FBXL7: variants seen among roughly 807,000 people sequenced by gnomAD.
The protein encoded by FBXL7 is F-box and leucine rich repeat protein 7, also known as F-box/LRR-repeat protein 7.
In FBXL7, 12 loss-of-function variants were observed where a neutral mutation model predicts 38.3. That is an observed-to-expected ratio of 0.31 (90% CI 0.20 to 0.51). The LOEUF is 0.51. Among genes scored for constraint, FBXL7 ranks in the 20% least tolerant of loss-of-function variants. The pLI, the probability that FBXL7 is intolerant of heterozygous loss-of-function variation, is 0.98. For synonymous variants in FBXL7, 297 were observed against 300.9 expected, an observed-to-expected ratio of 0.99 and a Z score of 0.13; for missense variants, 567 against 676.4, an observed-to-expected ratio of 0.84 and a Z score of 1.79.
chr5:15,781,801 A>T (rs548713327), intron 2 of FBXL7, among the ~76,000 whole-genome samples: 2 of 152,198 alleles, frequency 1.3e-5, no homozygotes, highest in Admixed American at 1.3e-4. Flanking sequence ...TGTTGAAGAG[A>T]GCTGAGGAGT....
rs112001121 is a variant in FBXL7, at chr5:15,523,546, G to A, written c.37+22833G>A. Among the ~76,000 whole-genome samples the A allele has an allele frequency of 6.2e-3, 938 of 151,152 alleles. 13 individuals carry two copies. The highest frequency in any genetic ancestry group is 0.022 in the African/African-American group (883 of 40,912). On this transcript the variant is annotated intron_variant, in intron 1 of 3. Transcript: ENST00000504595. ...TGCGCTCCAGCCTGGGCAGCAGAATGAGACTCTGTCTCAAAAAAAAAAAAA... is the reference window on the plus strand; with the variant it reads ...TGCGCTCCAGCCTGGGCAGCAGAATAAGACTCTGTCTCAAAAAAAAAAAAA...
intron 1 of FBXL7, among the ~76,000 whole-genome samples, chr5:15,563,670 T>A (rs1170538931): frequency 6.6e-6 from 1 of 152,000 alleles, no homozygotes. Context: ...CTCTATGGAG[T>A]CAGAAGTCTC....
At chr5:15,690,218 G>A (rs1743138594) in intron 2 of FBXL7, among the ~76,000 whole-genome samples, 1 of 152,004 alleles carries the variant, frequency 6.6e-6, no homozygotes, top group East Asian at 1.9e-4. Flanking sequence ...AAACTCAGCA[G>A]TTACTTAAAA....
chr5:15,620,296 A>T (rs1273840946), intron 2 of FBXL7, among the ~76,000 whole-genome samples: 2 of 147,472 alleles, frequency 1.4e-5, no homozygotes, highest in Non-Finnish European at 3.0e-5. Flanking sequence ...GCAGTGGCTC[A>T]ATCTTGGCTC....
intron 1 of FBXL7, among the ~76,000 whole-genome samples, chr5:15,522,420 G>A (rs1037745116): frequency 2.0e-5 from 3 of 152,214 alleles, no homozygotes; most frequent in South Asian, 2.1e-4. Context: ...TCGATGCTCC[G>A]AATGACATTT....
chr5:15,656,549 G>A (rs1042823959), intron 2 of FBXL7, among the ~76,000 whole-genome samples: 11 of 152,138 alleles, frequency 7.2e-5, no homozygotes, highest in African/African-American at 2.4e-4. Context: ...CAGTATGGTG[G>A]AAACTGCCCC....
intron 2 of FBXL7, among the ~76,000 whole-genome samples, chr5:15,902,026 C>G (rs1289391834): frequency 6.6e-6 from 1 of 152,182 alleles, no homozygotes; most frequent in Non-Finnish European, 1.5e-5. Flanking sequence ...AAACACTCCA[C>G]TCCTCTCATG....
chr5:15,554,127 C>T (rs138756288), intron 1 of FBXL7, among the ~76,000 whole-genome samples: 17 of 152,248 alleles, frequency 1.1e-4, no homozygotes, highest in Non-Finnish European at 2.1e-4. Context: ...CACTCCATAT[C>T]CAGTCTGCCC....
chr5:15,746,039 G>A (rs186186335), intron 2 of FBXL7, among the ~76,000 whole-genome samples: 40 of 152,178 alleles, frequency 2.6e-4, no homozygotes, highest in Admixed American at 1.9e-3. Flanking sequence ...GAAGTGGTTC[G>A]GTCTGTGATC....
chr5:15,581,373 C>A (rs1739134450), intron 1 of FBXL7, among the ~76,000 whole-genome samples: 1 of 152,138 alleles, frequency 6.6e-6, no homozygotes, highest in Admixed American at 6.5e-5. Flanking sequence ...CTCCCCACCC[C>A]TCACCCCCGG....
intron 2 of FBXL7, among the ~76,000 whole-genome samples, chr5:15,695,086 G>C (rs1220480344): frequency 6.6e-6 from 1 of 152,118 alleles, no homozygotes; most frequent in Non-Finnish European, 1.5e-5. Flanking sequence ...TAAAGATCAG[G>C]ATTAGGAGAA....
intron 1 of FBXL7, among the ~76,000 whole-genome samples, chr5:15,516,432 C>A (rs1190314242): frequency 6.6e-6 from 1 of 152,202 alleles, no homozygotes; most frequent in African/African-American, 2.4e-5. Flanking sequence ...TTCACTATGT[C>A]TTCCCTCTGA....
In FBXL7 at chr5:15,521,728, C is replaced by T. The variant is rs143575712; in HGVS notation, c.37+21015C>T. Among the ~76,000 whole-genome samples the T allele has an allele frequency of 9.9e-5, 15 of 152,166 alleles. No homozygotes were observed. In the East Asian group the frequency reaches 2.1e-3, roughly 22 times the overall value. ...TGAAGATGAGTAAGTGCAGTGCTCT[C>T]GTGGGAAAAAGAAGGATAAAGAAAC... On this transcript the variant is annotated intron_variant, in intron 1 of 3. Coordinates refer to ENST00000504595, the MANE Select transcript of FBXL7 (RefSeq NM_012304.5).
chr5:15,795,978 A>T (rs1401929467), intron 2 of FBXL7, among the ~76,000 whole-genome samples: 1 of 152,236 alleles, frequency 6.6e-6, no homozygotes, highest in Non-Finnish European at 1.5e-5. Context: ...CTAATAACCC[A>T]TAATCTATTT....
intron 2 of FBXL7, among the ~76,000 whole-genome samples, chr5:15,713,932 A>G (rs1473486053): frequency 6.6e-6 from 1 of 152,210 alleles, no homozygotes; most frequent in Non-Finnish European, 1.5e-5. Flanking sequence ...GAAACAAATT[A>G]TTTAACATAT....
At chr5:15,613,068 C>T (rs1740307111) in intron 1 of FBXL7, among the ~76,000 whole-genome samples, 1 of 152,134 alleles carries the variant, frequency 6.6e-6, no homozygotes, top group Admixed American at 6.5e-5. Context: ...ATTTGTGCAT[C>T]TCTAAGCAAC....
At chr5:15,762,730 G>A (rs1736483200) in intron 2 of FBXL7, among the ~76,000 whole-genome samples, 1 of 152,158 alleles carries the variant, frequency 6.6e-6, no homozygotes, top group Non-Finnish European at 1.5e-5. Flanking sequence ...AATTGTCTAA[G>A]TTTTTCAGAA....
At chr5:15,822,339 G>A (rs1738192679) in intron 2 of FBXL7, among the ~76,000 whole-genome samples, 1 of 152,072 alleles carries the variant, frequency 6.6e-6, no homozygotes, top group South Asian at 2.1e-4. Flanking sequence ...TCCAGCCTGG[G>A]TGACAGAGCA....
intron 2 of FBXL7, among the ~76,000 whole-genome samples, chr5:15,886,636 G>A (rs1740689768): frequency 6.6e-6 from 1 of 152,118 alleles, no homozygotes; most frequent in Admixed American, 6.5e-5. Flanking sequence ...GTTTATGGAT[G>A]GTTATCCTGC....
Sources: allele counts gnomAD v4.1 joint callset (sites outside exome capture counted in the v4.1 genomes callset), GRCh38; gene constraint gnomAD v4.1.1; transcripts MANE v1.5; gene names NCBI Gene and HGNC (gene_info 2026-07-23, HGNC 2026-07-21).